PNPLA7: variants seen among roughly 807,000 people sequenced by gnomAD.
PNPLA7 encodes patatin-like phospholipase domain-containing protein 7.
PNPLA7 carries 153 observed loss-of-function variants against 161.7 expected under a neutral mutation model. The observed-to-expected ratio is 0.95, with a 90% CI of 0.83 to 1.08. The LOEUF is 1.08. PNPLA7 is among the 50% of genes least tolerant of loss of function. The pLI, the probability that PNPLA7 is intolerant of heterozygous loss-of-function variation, is 0.00. For missense variants in PNPLA7, 1,739 were observed against 1,856.6 expected, an observed-to-expected ratio of 0.94 and a Z score of 1.16; for synonymous variants, 809 against 782.1, an observed-to-expected ratio of 1.03 and a Z score of -0.57.
At chr9:137,512,581 A>G (rs1834296894) in intron 12 of PNPLA7, among the ~76,000 whole-genome samples, 1 of 152,224 alleles carries the variant, frequency 6.6e-6, no homozygotes, top group Non-Finnish European at 1.5e-5. Context: ...TTATGGAGTC[A>G]TCAAACCGTC....
intron 8 of PNPLA7, among the ~76,000 whole-genome samples, chr9:137,528,737 C>G (rs1356007399): frequency 1.4e-5 from 2 of 147,454 alleles, no homozygotes; most frequent in Non-Finnish European, 3.0e-5. Context: ...GTCTCGCTCT[C>G]TTGCCCAGGC....
rs536292064 is a variant in PNPLA7, at chr9:137,540,084, C to T, written c.747+558G>A. ...CAGGTGTGAGCCACTGCGCCCGGCC[C>T]GGCAGCACCTTTCAAAATTACAAGT... On this transcript the variant is annotated intron_variant, in intron 8 of 34. Transcript: ENST00000406427. The surrounding 1 kb of genome is among the most constrained non-coding windows in gnomAD (Gnocchi z 5.1). Among the ~76,000 whole-genome samples, 25 of 152,148 alleles carry T rather than the reference C, an allele frequency of 1.6e-4. No individual in the cohort carries two copies. The highest frequency in any genetic ancestry group is 2.2e-4 in the Non-Finnish European group (15 of 68,036).
chr9:137,485,517 C>A (rs934462010), intron 20 of PNPLA7, among the ~76,000 whole-genome samples: 1 of 152,266 alleles, frequency 6.6e-6, no homozygotes, highest in African/African-American at 2.4e-5. Context: ...AAGACATACT[C>A]TCCAGGTGAG....
At chr9:137,502,549 C>A (rs944867020) in intron 14 of PNPLA7, among the ~76,000 whole-genome samples, 1 of 144,752 alleles carries the variant, frequency 6.9e-6, no homozygotes, top group African/African-American at 2.6e-5. Flanking sequence ...CAGAGGACGG[C>A]CGCTGACGGA....
At chr9:137,521,532 G>C in intron 10 of PNPLA7, 104 bp downstream of exon 10, 2 of 1,082,556 alleles carry the variant, frequency 1.8e-6, no homozygotes, top group Non-Finnish European at 1.4e-6. Context: ...GCTGTTGCTG[G>C]CACTGCCCCA....
At position 137,505,725 on chromosome 9, in the gene PNPLA7, G is replaced by A; in HGVS notation, c.1362C>T (p.Ser454=). 1 of 1,614,102 alleles carries A rather than the reference G, an allele frequency of 6.2e-7. No individual in the cohort carries two copies. The highest frequency in any genetic ancestry group is 1.7e-5 in the Admixed American group (1 of 60,032). ...RKSVMVAEIP[S]TVSQHSESHT... Reference sequence around the variant, plus strand: ...GACTCTCTGAGTGCTGGGAGACCGTGGAGGGTATCTCTGCAACCATCACGC... The same window carrying A: ...GACTCTCTGAGTGCTGGGAGACCGTAGAGGGTATCTCTGCAACCATCACGC... Residue 454 remains serine (S), a synonymous_variant, in exon 14 of 35, where the codon TCC becomes TCT. Transcript: ENST00000406427.
chr9:137,520,287 G>A lies in PNPLA7; in HGVS notation c.958-244C>T, dbSNP rs917146991. On this transcript the variant is annotated intron_variant, in intron 10 of 34. Transcript: ENST00000406427. The surrounding 1 kb of genome is among the most constrained non-coding windows in gnomAD (Gnocchi z 5.2). Reference sequence around the variant, plus strand: ...ACATTTCAGGCAATGGAAAGAGGCCGATCATCAACCCAGAAATCCAGTTAT... The same window carrying A: ...ACATTTCAGGCAATGGAAAGAGGCCAATCATCAACCCAGAAATCCAGTTAT... Among the ~76,000 whole-genome samples the A allele has an allele frequency of 6.6e-6, 1 of 152,118 alleles. No individual in the cohort carries two copies. Among genetic ancestry groups the A allele is most frequent in the Non-Finnish European group, 1.5e-5 (1 of 68,026 alleles).
Position 137,547,654 on chromosome 9 carries a change from GTC to G in PNPLA7, c.34_35del (p.Asp12LeufsTer50), listed in dbSNP as rs775547060. ...EEEKDDSPQA[D>X]FCLGTALHSW... is the part of the protein sequence containing the mutation. ...AGTGCAGGGCGGTGCCCAGGCAGAA[GTC>G]AGCCTGCAGCAGAGAGCATGGGGTC... On this transcript the variant is annotated frameshift_variant, in exon 2 of 35. Transcript: ENST00000406427. LOFTEE classifies it high-confidence loss of function. This position sits in a 1 kb window ranked among gnomAD's most constrained non-coding sequence, Gnocchi z 4.6. 5 of 1,612,890 alleles carry G rather than the reference GTC, an allele frequency of 3.1e-6. No homozygotes were observed. The highest frequency in any genetic ancestry group is 3.4e-6 in the Non-Finnish European group (4 of 1,179,850).
chr9:137,497,184 T>G lies in PNPLA7; in HGVS notation c.2013+3A>C. 1 of 1,571,460 alleles carries G rather than the reference T, an allele frequency of 6.4e-7. No individual in the cohort carries two copies. The highest frequency in any genetic ancestry group is 8.6e-7 in the Non-Finnish European group (1 of 1,160,326). The stretch of plus-strand genomic sequence containing the variant: ...GGAGGCAGGAGCAGGGCCCAGCACC[T>G]ACCACGCCGACGAGGTCTCCTCGGC... On this transcript the variant is annotated splice_donor_region_variant and intron_variant, in intron 18 of 34. Transcript: ENST00000406427.
At chr9:137,483,221 C>T (rs1832311015) in intron 21 of PNPLA7, among the ~76,000 whole-genome samples, 3 of 152,072 alleles carry the variant, frequency 2.0e-5, no homozygotes, top group Admixed American at 2.0e-4. Flanking sequence ...GGGACAGCTC[C>T]ACCGCACAAC....
intron 16 of PNPLA7, among the ~76,000 whole-genome samples, chr9:137,498,749 T>C (rs1172694962): frequency 6.6e-6 from 1 of 151,880 alleles, no homozygotes; most frequent in Non-Finnish European, 1.5e-5. Flanking sequence ...TGGTCGTGTG[T>C]GGACAGACTG....
intron 26 of PNPLA7, among the ~76,000 whole-genome samples, chr9:137,465,210 G>C (rs555494415): frequency 6.6e-6 from 1 of 152,142 alleles, no homozygotes; most frequent in Non-Finnish European, 1.5e-5. Flanking sequence ...AGGAGACCCC[G>C]GTCCTTCCCT....
At chr9:137,521,059 G>T (rs1041936842) in intron 10 of PNPLA7, among the ~76,000 whole-genome samples, 1 of 151,900 alleles carries the variant, frequency 6.6e-6, no homozygotes, top group Non-Finnish European at 1.5e-5. Context: ...GCTGGACCGT[G>T]GCCATAGGGA....
In PNPLA7 at chr9:137,524,352, C is replaced by G. The variant is rs776498327; in HGVS notation, c.748-1495G>C. Among the ~76,000 whole-genome samples the G allele has an allele frequency of 4.6e-5, 7 of 151,200 alleles. No homozygotes were observed. The highest frequency in any genetic ancestry group is 1.0e-4 in the Non-Finnish European group (7 of 67,712). On this transcript the variant is annotated intron_variant, in intron 8 of 34. Transcript: ENST00000406427. This position sits in a 1 kb window ranked among gnomAD's most constrained non-coding sequence, Gnocchi z 4.4. Reference sequence around the variant, plus strand: ...CCATTCAGCAGTCGAGATTCCCCCACGGTGGCGCGTCTGCCAGAGGCCTGT... The same window carrying G: ...CCATTCAGCAGTCGAGATTCCCCCAGGGTGGCGCGTCTGCCAGAGGCCTGT...
intron 33 of PNPLA7, 194 bp from the exon 34 acceptor site, chr9:137,460,931 C>A: frequency 1.7e-6 from 1 of 579,176 alleles, no homozygotes; most frequent in Non-Finnish European, 3.1e-6. Context: ...CCAGCTTTGC[C>A]CCAGCACATC....
At chr9:137,535,506 G>A (rs1835835279) in intron 8 of PNPLA7, among the ~76,000 whole-genome samples, 1 of 152,128 alleles carries the variant, frequency 6.6e-6, no homozygotes, top group South Asian at 2.1e-4. Context: ...TGTAATCCCA[G>A]CACTTTGGGA....
chr9:137,479,712 C>G (rs925157298), intron 23 of PNPLA7: 11 of 985,288 alleles, frequency 1.1e-5, no homozygotes, highest in African/African-American at 1.7e-5. Context: ...CTGGAGAACA[C>G]GAACAGGACT....
rs1383469963 is a variant in PNPLA7 at position 137,500,789 on chromosome 9, C to T, written c.1659G>A (p.Val553=). ...CCCCGGTGAGCACGGCCAGCTGGCC[C>T]ACCATCTCCCCGGGGCGCGTGAGGA... ...CLFLTRPGEM[V]GQLAVLTGEP... is the part of the protein sequence containing the mutation. Residue 553 remains valine (V), a synonymous_variant, in exon 16 of 35, where the codon GTG becomes GTA. Coordinates refer to ENST00000406427, the MANE Select transcript of PNPLA7 (RefSeq NM_001098537.3). The surrounding 1 kb of genome is among the most constrained non-coding windows in gnomAD (Gnocchi z 5.5). 4.3e-6 allele frequency: 7 copies of T among 1,611,612 alleles called. No individual in the cohort carries two copies. The highest frequency in any genetic ancestry group is 5.9e-6 in the Non-Finnish European group (7 of 1,179,622).
intron 16 of PNPLA7, among the ~76,000 whole-genome samples, chr9:137,498,744 G>A (rs998124929): frequency 2.6e-5 from 4 of 152,158 alleles, no homozygotes; most frequent in South Asian, 2.1e-4. Flanking sequence ...CCCGGTGGTC[G>A]TGTGTGGACA....
Sources: allele counts gnomAD v4.1 joint callset (sites outside exome capture counted in the v4.1 genomes callset), GRCh38; gene constraint gnomAD v4.1.1; non-coding constraint Gnocchi (gnomAD v3.1); transcripts MANE v1.5; gene names NCBI Gene and HGNC (gene_info 2026-07-23, HGNC 2026-07-21).